IGFBP7: variants seen among roughly 807,000 people sequenced by gnomAD.
IGFBP7 encodes the protein insulin like growth factor binding protein 7.
Under a neutral mutation model 29.4 loss-of-function variants are expected in IGFBP7, and 31 were observed. The observed-to-expected ratio is 1.05, with a 90% CI of 0.79 to 1.42. The LOEUF (loss-of-function observed/expected upper bound fraction) is 1.42. Among genes scored for constraint, IGFBP7 ranks in the 40% most tolerant of loss-of-function variants. The pLI is 0.00. For missense variants in IGFBP7, 393 were observed against 395.5 expected (o/e 0.99, Z 0.05); for synonymous variants, 172 against 174.9 (o/e 0.98, Z 0.13).
intron 1 of IGFBP7, among the ~76,000 whole-genome samples, chr4:57,089,532 T>C (rs910500216): frequency 6.6e-6 from 1 of 152,206 alleles, no homozygotes; most frequent in Admixed American, 6.5e-5. Context: ...CTATGACCTA[T>C]TTTATCATCT....
chr4:57,091,816 T>C (rs912971332), intron 1 of IGFBP7, among the ~76,000 whole-genome samples: 5 of 152,208 alleles, frequency 3.3e-5, no homozygotes, highest in African/African-American at 1.2e-4. Context: ...GCCAGCCCTC[T>C]TAAGGACCCA....
chr4:57,050,921 T>C (rs943203206), intron 1 of IGFBP7, among the ~76,000 whole-genome samples: 2 of 152,126 alleles, frequency 1.3e-5, no homozygotes, highest in African/African-American at 4.8e-5. Flanking sequence ...CGAGTTATGA[T>C]AGATTTGCAA....
At chr4:57,033,926 C>T (rs1724013167) in intron 2 of IGFBP7, among the ~76,000 whole-genome samples, 1 of 151,816 alleles carries the variant, frequency 6.6e-6, no homozygotes, top group Non-Finnish European at 1.5e-5. Context: ...TGGCGAGCAC[C>T]CGTAGTCCCA....
intron 1 of IGFBP7, among the ~76,000 whole-genome samples, chr4:57,047,720 G>T (rs67000357): frequency 0.094 from 14,286 of 152,140 alleles, 812 homozygotes; most frequent in African/African-American, 0.15. Context: ...ACCTAAGTCT[G>T]CATACTCCTC....
At chr4:57,051,494 G>C (rs1402204786) in intron 1 of IGFBP7, among the ~76,000 whole-genome samples, 1 of 152,240 alleles carries the variant, frequency 6.6e-6, no homozygotes, top group East Asian at 1.9e-4. Flanking sequence ...TGTGAATGAA[G>C]AACCAATAGT....
chr4:57,068,244 C>G (rs964896611), intron 1 of IGFBP7, among the ~76,000 whole-genome samples: 3 of 149,444 alleles, frequency 2.0e-5, no homozygotes, highest in Admixed American at 2.0e-4. Context: ...GAGCCAAGAT[C>G]GTGCCACTGT....
At chr4:57,070,414 G>C (rs1269759481) in intron 1 of IGFBP7, among the ~76,000 whole-genome samples, 1 of 152,160 alleles carries the variant, frequency 6.6e-6, no homozygotes, top group Non-Finnish European at 1.5e-5. Context: ...TGTTAACACA[G>C]ATTCAGTTTA....
intron 1 of IGFBP7, among the ~76,000 whole-genome samples, chr4:57,089,951 T>C (rs993688907): frequency 6.6e-6 from 1 of 152,126 alleles, no homozygotes; most frequent in African/African-American, 2.4e-5. Flanking sequence ...AAAGCCAACA[T>C]GCAAAGGATG....
intron 1 of IGFBP7, among the ~76,000 whole-genome samples, chr4:57,069,265 T>C (rs1724997923): frequency 6.6e-6 from 1 of 151,838 alleles, no homozygotes; most frequent in Admixed American, 6.6e-5. Flanking sequence ...GGGCCATCTG[T>C]GGGGCTGGAG....
chr4:57,085,309 G>A lies in IGFBP7; in HGVS notation c.475+24568C>T, dbSNP rs1009522365. 5.9e-5 allele frequency among the ~76,000 whole-genome samples: 9 copies of A among 152,096 alleles called. No individual in the cohort carries two copies. The East Asian group carries it at 7.7e-4, about 13-fold the overall frequency. The stretch of plus-strand genomic sequence containing the variant: ...CCTTCTTCAGTGACTCCTGTTATCC[G>A]TATGCTAGATCTGCTCTGCATATCT... On this transcript the variant is annotated intron_variant, in intron 1 of 4. Coordinates refer to ENST00000295666, the MANE Select transcript of IGFBP7 (RefSeq NM_001553.3).
chr4:57,071,427 T>G (rs944416093), intron 1 of IGFBP7, among the ~76,000 whole-genome samples: 3 of 152,236 alleles, frequency 2.0e-5, no homozygotes, highest in Non-Finnish European at 4.4e-5. Context: ...TTATCTGTGC[T>G]GACAACTAAG....
rs771721604 is a variant in IGFBP7, at chr4:57,072,976, C to A, written c.476-32043G>T. On this transcript the variant is annotated intron_variant, in intron 1 of 4. Coordinates refer to ENST00000295666, the MANE Select transcript of IGFBP7 (RefSeq NM_001553.3). ...ACAAGTGGTCTGCCCTGTATGATGT[C>A]AGGACCATCCTGCTCTCCATCCACA... 6 of 845,450 alleles carry A rather than the reference C, an allele frequency of 7.1e-6. No homozygotes were observed. The Admixed American group carries it at 1.1e-4, about 15-fold the overall frequency. The allele number at this position is 845,450 out of a possible 1,614,324, so 52.4% of individuals were successfully genotyped here.
intron 1 of IGFBP7, among the ~76,000 whole-genome samples, chr4:57,103,660 C>T (rs372031915): frequency 8.1e-3 from 700 of 86,398 alleles, no homozygotes; most frequent in East Asian, 0.01. Context: ...TTTTTCTTTT[C>T]TTTTTTTTTT....
intron 1 of IGFBP7, among the ~76,000 whole-genome samples, chr4:57,054,702 T>G (rs190653596): frequency 6.7e-6 from 1 of 149,942 alleles, no homozygotes; most frequent in East Asian, 2.0e-4. Flanking sequence ...GAAGAGGATG[T>G]AAGAGATTCC....
intron 1 of IGFBP7, among the ~76,000 whole-genome samples, chr4:57,044,072 G>C (rs1232404067): frequency 1.3e-5 from 2 of 152,214 alleles, no homozygotes; most frequent in Non-Finnish European, 2.9e-5. Context: ...AGAGATTTGA[G>C]GGGGAGCTCG....
intron 1 of IGFBP7, among the ~76,000 whole-genome samples, chr4:57,091,857 A>G (rs1578647018): frequency 6.6e-6 from 1 of 152,224 alleles, no homozygotes; most frequent in Non-Finnish European, 1.5e-5. Context: ...TGTGGTAAAA[A>G]TGTTGTAAGT....
At chr4:57,040,102 G>A (rs1724184345) in intron 2 of IGFBP7, among the ~76,000 whole-genome samples, 1 of 152,056 alleles carries the variant, frequency 6.6e-6, no homozygotes, top group Non-Finnish European at 1.5e-5. Flanking sequence ...CTGTTCTGGA[G>A]TGGTCTCCTC....
rs1411056618 is a variant in IGFBP7, at chr4:57,043,893, G to A, written c.476-2960C>T. On this transcript the variant is annotated intron_variant, in intron 1 of 4. Transcript: ENST00000295666. ...TCCTCTAGGGCTATGGGACCCCAAG[G>A]GTTTGGACACCACAGAGCCGGATCT... 3.9e-5 allele frequency among the ~76,000 whole-genome samples: 6 copies of A among 152,210 alleles called. No homozygotes were observed. The East Asian group carries it at 1.2e-3, about 29-fold the overall frequency.
chr4:57,081,570 G>A (rs1048601363), intron 1 of IGFBP7, among the ~76,000 whole-genome samples: 2 of 151,912 alleles, frequency 1.3e-5, no homozygotes, highest in African/African-American at 2.4e-5. Context: ...GGGGAATGTC[G>A]GGCCTTGTGC....
Sources: gnomAD v4.1 joint callset for allele counts (sites outside exome capture counted in the v4.1 genomes callset) on GRCh38, gnomAD v4.1.1 for gene constraint, MANE v1.5 for transcripts, NCBI Gene and HGNC (gene_info 2026-07-23, HGNC 2026-07-21) for gene names.